The following CDK14 variants were observed in gnomAD, a reference collection of about 807,000 sequenced individuals.
CDK14 encodes the protein cyclin dependent kinase 14.
Under a neutral mutation model 60.7 loss-of-function variants are expected in CDK14, and 34 were observed. The ratio of observed to expected loss-of-function variants is 0.56; its 90% CI spans 0.43 to 0.75. The LOEUF (loss-of-function observed/expected upper bound fraction) is 0.75, where lower values mean the gene tolerates loss of function less well. Ranked by LOEUF, CDK14 falls within the 30% of genes least tolerant of loss-of-function variation. CDK14 has a pLI of 0.00. For missense variants in CDK14, 482 were observed against 564.1 expected (o/e 0.85, Z 1.47); for synonymous variants, 197 against 203.7 (o/e 0.97, Z 0.28).
chr7:91,106,847 C>T (rs955871961), intron 12 of CDK14, among the ~76,000 whole-genome samples: 1 of 152,170 alleles, frequency 6.6e-6, no homozygotes, highest in African/African-American at 2.4e-5. Flanking sequence ...TTGGGCAGTT[C>T]TGTAGTGTTC....
intron 9 of CDK14, among the ~76,000 whole-genome samples, chr7:90,969,371 A>G (rs974271971): frequency 6.6e-6 from 1 of 152,220 alleles, no homozygotes; most frequent in African/African-American, 2.4e-5. Context: ...TTATAGTAGG[A>G]TAATTTACAT....
chr7:90,738,719 G>A (rs1803226576), intron 3 of CDK14, among the ~76,000 whole-genome samples: 1 of 152,082 alleles, frequency 6.6e-6, no homozygotes, highest in East Asian at 1.9e-4. Context: ...CCATAAAGCT[G>A]TTTCTCATCC....
intron 14 of CDK14, among the ~76,000 whole-genome samples, chr7:91,149,414 G>A (rs1011967114): frequency 1.6e-4 from 24 of 152,098 alleles, no homozygotes; most frequent in African/African-American, 5.6e-4. Flanking sequence ...GGCACACATG[G>A]AATTCCAAGT....
At chr7:90,936,805 A>G (rs571508676) in intron 8 of CDK14, among the ~76,000 whole-genome samples, 2 of 152,328 alleles carry the variant, frequency 1.3e-5, no homozygotes, top group East Asian at 3.9e-4. Context: ...TAGGCCAGGA[A>G]TGGTGGCTCA....
chr7:90,803,282 A>G (rs1013977423), intron 5 of CDK14, among the ~76,000 whole-genome samples: 7 of 152,086 alleles, frequency 4.6e-5, no homozygotes, highest in Non-Finnish European at 7.3e-5. Context: ...TCAACCTTCA[A>G]CATGCAGATT....
chr7:90,952,176 G>A (rs895071244), intron 8 of CDK14, among the ~76,000 whole-genome samples: 1 of 152,118 alleles, frequency 6.6e-6, no homozygotes, highest in Non-Finnish European at 1.5e-5. Context: ...AGCAGAGGCT[G>A]TTATGATGAG....
chr7:91,092,769 C>T (rs186084677), intron 12 of CDK14, among the ~76,000 whole-genome samples: 41 of 152,284 alleles, frequency 2.7e-4, no homozygotes, highest in East Asian at 2.5e-3. Flanking sequence ...CGAGGTACCA[C>T]TACTTAACTC....
intron 6 of CDK14, among the ~76,000 whole-genome samples, chr7:90,897,554 A>T (rs1792376880): frequency 6.6e-6 from 1 of 152,046 alleles, no homozygotes; most frequent in East Asian, 1.9e-4. Flanking sequence ...ATAAGTAAAA[A>T]GTACTTATCA....
intron 10 of CDK14, among the ~76,000 whole-genome samples, chr7:91,035,240 C>G (rs934008683): frequency 2.6e-5 from 4 of 152,144 alleles, no homozygotes; most frequent in Non-Finnish European, 4.4e-5. Flanking sequence ...CACCCAGACT[C>G]TGTTGTATAT....
intron 14 of CDK14, among the ~76,000 whole-genome samples, chr7:91,126,178 C>T (rs540569079): frequency 7.2e-5 from 11 of 152,250 alleles, no homozygotes; most frequent in Admixed American, 5.9e-4. Context: ...TTCTGTGGGC[C>T]AAGGCCCCAC....
intron 14 of CDK14, among the ~76,000 whole-genome samples, chr7:91,183,904 A>G (rs1584185776): frequency 6.6e-6 from 1 of 152,144 alleles, no homozygotes; most frequent in East Asian, 1.9e-4. Context: ...AAAATAAGAA[A>G]TGGTTCTTGG....
At chr7:90,963,475 G>A (rs1794663504) in intron 9 of CDK14, among the ~76,000 whole-genome samples, 3 of 151,844 alleles carry the variant, frequency 2.0e-5, no homozygotes, top group Admixed American at 6.6e-5. Flanking sequence ...GAGAACATTG[G>A]ATGTGCACTG....
At chr7:91,122,402 T>G (rs1799805100) in intron 14 of CDK14, among the ~76,000 whole-genome samples, 1 of 152,180 alleles carries the variant, frequency 6.6e-6, no homozygotes, top group Admixed American at 6.5e-5. Context: ...ATAAAGATTT[T>G]TTTAGAAACC....
At chr7:90,613,357 G>A (rs2116347071) in intron 2 of CDK14, among the ~76,000 whole-genome samples, 1 of 152,280 alleles carries the variant, frequency 6.6e-6, no homozygotes, top group Non-Finnish European at 1.5e-5. Flanking sequence ...CTGTAAGGGT[G>A]GTTAGTGTTC....
intron 2 of CDK14, among the ~76,000 whole-genome samples, chr7:90,669,756 T>C (rs1563038452): frequency 7.2e-6 from 1 of 138,070 alleles, no homozygotes; most frequent in Admixed American, 7.2e-5. Flanking sequence ...GATCTAGTGG[T>C]TGGAACTGAG....
At chr7:91,200,601 G>A (rs946492396) in intron 14 of CDK14, among the ~76,000 whole-genome samples, 2 of 152,010 alleles carry the variant, frequency 1.3e-5, no homozygotes, top group Non-Finnish European at 2.9e-5. Flanking sequence ...ACAGTTACGC[G>A]CTTTAGTTAA....
chr7:90,664,114 A>G (rs1800922260), intron 2 of CDK14, among the ~76,000 whole-genome samples: 1 of 152,224 alleles, frequency 6.6e-6, no homozygotes. Flanking sequence ...CAACCCCATC[A>G]AAAAGTGGGC....
At position 90,759,982 on chromosome 7, in the gene CDK14, A is replaced by G. The variant is rs116616783; in HGVS notation, c.464+12207A>G. Among the ~76,000 whole-genome samples, 1,154 of 152,294 alleles carry G rather than the reference A, an allele frequency of 7.6e-3. 20 individuals carry two copies. Among genetic ancestry groups the G allele is most frequent in the African/African-American group, 0.027 (1,116 of 41,546 alleles). On this transcript the variant is annotated intron_variant, in intron 4 of 14. Transcript: ENST00000380050. ...TGGTTTGTGCCAGCCATAAATTGTT[A>G]TCTCAGAGGTCAATGAGAACAATGA...
intron 8 of CDK14, among the ~76,000 whole-genome samples, chr7:90,922,501 A>G (rs1793282694): frequency 5.3e-5 from 8 of 152,188 alleles, no homozygotes. Flanking sequence ...AAATCTATTG[A>G]ACAGACTATT....
Sources: allele counts gnomAD v4.1 joint callset (sites outside exome capture counted in the v4.1 genomes callset), GRCh38; gene constraint gnomAD v4.1.1; transcripts MANE v1.5; gene names NCBI Gene and HGNC (gene_info 2026-07-23, HGNC 2026-07-21).